The following ASIC2 variants were observed in gnomAD, a reference collection of about 807,000 sequenced individuals.
ASIC2 encodes acid-sensing ion channel 2.
Under a neutral mutation model 57.3 loss-of-function variants are expected in ASIC2, and 25 were observed. The observed-to-expected ratio is 0.44, with a 90% CI of 0.32 to 0.61. The LOEUF is 0.61. Among genes scored for constraint, ASIC2 ranks in the 20% least tolerant of loss-of-function variants. ASIC2 has a pLI of 0.06. For synonymous variants in ASIC2, 319 were observed against 307.5 expected (o/e 1.04, Z -0.39); for missense variants, 641 against 738.1 (o/e 0.87, Z 1.52).
intron 1 of ASIC2, among the ~76,000 whole-genome samples, chr17:33,122,793 C>T (rs1008498063): frequency 1.3e-5 from 2 of 152,182 alleles, no homozygotes; most frequent in African/African-American, 4.8e-5. Flanking sequence ...AAACTTTGCA[C>T]CCTTTGATCA....
At chr17:33,068,432 C>A (rs2092053099) in intron 3 of ASIC2, among the ~76,000 whole-genome samples, 1 of 152,154 alleles carries the variant, frequency 6.6e-6, no homozygotes, top group South Asian at 2.1e-4. Context: ...ACTCAGGAGG[C>A]TGAGGCAGGA....
intron 1 of ASIC2, among the ~76,000 whole-genome samples, chr17:33,257,703 C>T (rs1389581128): frequency 2.0e-5 from 3 of 152,206 alleles, no homozygotes; most frequent in Non-Finnish European, 4.4e-5. Context: ...CTGAGCAAGG[C>T]AGGTGTGTGG....
intron 1 of ASIC2, among the ~76,000 whole-genome samples, chr17:33,430,043 G>T (rs929082986): frequency 1.3e-5 from 2 of 152,238 alleles, no homozygotes; most frequent in South Asian, 2.1e-4. Context: ...CTTCCCTTTT[G>T]TTGTACTAGC....
chr17:33,361,853 C>A (rs2141931629), intron 1 of ASIC2, among the ~76,000 whole-genome samples: 1 of 152,332 alleles, frequency 6.6e-6, no homozygotes, highest in South Asian at 2.1e-4. Context: ...TAACTACTGC[C>A]ACTTCAGCCT....
At chr17:33,803,233 G>A (rs1425176134) in intron 1 of ASIC2, among the ~76,000 whole-genome samples, 1 of 152,176 alleles carries the variant, frequency 6.6e-6, no homozygotes, top group African/African-American at 2.4e-5. Context: ...GGTAAAGAGA[G>A]GAAATCTGTG....
intron 1 of ASIC2, among the ~76,000 whole-genome samples, chr17:33,605,891 C>T (rs1905221626): frequency 6.6e-6 from 1 of 152,166 alleles, no homozygotes; most frequent in South Asian, 2.1e-4. Context: ...TCCCCCTGTC[C>T]CCACTGAGTC....
chr17:33,214,605 A>G (rs1038928230), intron 1 of ASIC2, among the ~76,000 whole-genome samples: 3 of 152,140 alleles, frequency 2.0e-5, no homozygotes, highest in African/African-American at 7.2e-5. Context: ...TACTGTACAT[A>G]TGAGCTACTT....
At chr17:33,401,710 T>G (rs1307893345) in intron 1 of ASIC2, among the ~76,000 whole-genome samples, 2 of 152,162 alleles carry the variant, frequency 1.3e-5, no homozygotes, top group Non-Finnish European at 2.9e-5. Flanking sequence ...CATAAAATCT[T>G]TGTTCGCTTC....
chr17:33,743,063 A>G (rs1567703532), intron 1 of ASIC2, among the ~76,000 whole-genome samples: 1 of 152,184 alleles, frequency 6.6e-6, no homozygotes, highest in Admixed American at 6.5e-5. Flanking sequence ...TAATGGGTTC[A>G]GTCACAAACC....
intron 1 of ASIC2, among the ~76,000 whole-genome samples, chr17:33,337,954 A>G (rs573664834): frequency 7.9e-4 from 115 of 146,042 alleles, no homozygotes; most frequent in African/African-American, 2.8e-3. Context: ...GTGTTCTGGA[A>G]GGGCAAAGAG....
chr17:33,203,876 G>A (rs760963265), intron 1 of ASIC2, among the ~76,000 whole-genome samples: 2 of 152,190 alleles, frequency 1.3e-5, no homozygotes, highest in African/African-American at 4.8e-5. Flanking sequence ...CAAAGTCCAA[G>A]TTCTAAGTTA....
At chr17:33,202,788 T>A (rs980719761) in intron 1 of ASIC2, among the ~76,000 whole-genome samples, 5 of 152,198 alleles carry the variant, frequency 3.3e-5, no homozygotes, top group Non-Finnish European at 5.9e-5. Flanking sequence ...TCTTTCCAGC[T>A]GGAGCTTGCT....
At chr17:34,030,694 C>T (rs1907571862) in intron 1 of ASIC2, among the ~76,000 whole-genome samples, 1 of 152,228 alleles carries the variant, frequency 6.6e-6, no homozygotes, top group African/African-American at 2.4e-5. Context: ...AACAACGGCA[C>T]ACCAGGAGAT....
At chr17:33,087,912 T>A (rs900688645) in intron 3 of ASIC2, among the ~76,000 whole-genome samples, 4 of 152,068 alleles carry the variant, frequency 2.6e-5, no homozygotes, top group African/African-American at 7.2e-5. Flanking sequence ...TAAACAGCTG[T>A]GATCAGTACC....
intron 1 of ASIC2, among the ~76,000 whole-genome samples, chr17:33,313,149 A>T (rs1171315615): frequency 4.6e-5 from 7 of 151,724 alleles, no homozygotes; most frequent in Admixed American, 4.6e-4. Context: ...GAGAGCCCCC[A>T]TCTCAACAAA....
chr17:34,088,575 C>G (rs1910199397), intron 1 of ASIC2, among the ~76,000 whole-genome samples: 3 of 152,252 alleles, frequency 2.0e-5, no homozygotes, highest in Non-Finnish European at 2.9e-5. Flanking sequence ...AGCTGTCAGA[C>G]AGGGACATTT....
At chr17:33,118,076 T>G (rs2092287872) in intron 1 of ASIC2, among the ~76,000 whole-genome samples, 1 of 152,204 alleles carries the variant, frequency 6.6e-6, no homozygotes, top group South Asian at 2.1e-4. Flanking sequence ...GATGCTTCCA[T>G]GCACACAGCC....
At chr17:34,119,304 AC>A (rs1341386939) in intron 1 of ASIC2, among the ~76,000 whole-genome samples, 1 of 152,162 alleles carries the variant, frequency 6.6e-6, no homozygotes, top group Non-Finnish European at 1.5e-5. Flanking sequence ...CTGTTTCCTT[AC>A]CTGAAAAAGG....
intron 1 of ASIC2, among the ~76,000 whole-genome samples, chr17:33,639,691 T>C (rs532419081): frequency 6.9e-6 from 1 of 144,626 alleles, no homozygotes; most frequent in African/African-American, 2.6e-5. Flanking sequence ...GTGACTCTTC[T>C]CACCAAAAGG....
Sources: gnomAD v4.1 joint callset for allele counts (sites outside exome capture counted in the v4.1 genomes callset) on GRCh38, gnomAD v4.1.1 for gene constraint, MANE v1.5 for transcripts, NCBI Gene and HGNC (gene_info 2026-07-23, HGNC 2026-07-21) for gene names.